GALNT1: variants seen among roughly 807,000 people sequenced by gnomAD.
GALNT1 encodes the protein GalNAc transferase 1.
Under a neutral mutation model 65.7 loss-of-function variants are expected in GALNT1, and 17 were observed. The ratio of observed to expected loss-of-function variants is 0.26; its 90% CI spans 0.18 to 0.39. The LOEUF is 0.39. Among genes scored for constraint, GALNT1 ranks in the 10% least tolerant of loss-of-function variants. The pLI, the probability that GALNT1 is intolerant of heterozygous loss-of-function variation, is 1.00. For missense variants in GALNT1, 460 were observed against 672.8 expected, an observed-to-expected ratio of 0.68 and a Z score of 3.50; for synonymous variants, 210 against 219.7, an observed-to-expected ratio of 0.96 and a Z score of 0.39.
intron 1 of GALNT1, among the ~76,000 whole-genome samples, chr18:35,629,834 T>A (rs1324831126): frequency 6.6e-6 from 1 of 152,128 alleles, no homozygotes; most frequent in Non-Finnish European, 1.5e-5. Flanking sequence ...GAGACACACA[T>A]GGGCTCAAAA....
chr18:35,689,323 T>A, intron 7 of GALNT1, 33 bp downstream of exon 7: 1 of 1,242,032 alleles, frequency 8.1e-7, no homozygotes, highest in Non-Finnish European at 1.2e-6. Context: ...AATCTTTTAT[T>A]TAACTTCAAG....
chr18:35,606,923 C>A (rs1051598244), intron 1 of GALNT1, among the ~76,000 whole-genome samples: 1 of 150,436 alleles, frequency 6.6e-6, no homozygotes, highest in South Asian at 2.1e-4. Flanking sequence ...GAGACATAGT[C>A]ATAGCACTGG....
intron 4 of GALNT1, among the ~76,000 whole-genome samples, chr18:35,679,520 A>T (rs778727444): frequency 2.0e-5 from 3 of 152,050 alleles, no homozygotes; most frequent in Non-Finnish European, 2.9e-5. Flanking sequence ...CAATCTGTGT[A>T]CATCTGTGAG....
At chr18:35,586,180 G>A (rs1471569895) in intron 1 of GALNT1, among the ~76,000 whole-genome samples, 6 of 152,114 alleles carry the variant, frequency 3.9e-5, no homozygotes, top group South Asian at 2.1e-4. Context: ...TGGTTTTAAC[G>A]TGCATTTCCT....
In GALNT1 at chr18:35,692,339, T is replaced by C; in HGVS notation, c.1299+19T>C. On this transcript the variant is annotated intron_variant, in intron 9 of 11. Coordinates refer to ENST00000269195, the MANE Select transcript of GALNT1 (RefSeq NM_020474.4). ...GGGAGAGGTAAGAAATATATATATA[T>C]ATATTCTATGTGGTTATTATGTTCT... The C allele has an allele frequency of 7.0e-7, 1 of 1,433,306 alleles. No individual in the cohort carries two copies. Among genetic ancestry groups the C allele is most frequent in the Non-Finnish European group, 9.4e-7 (1 of 1,061,376 alleles). 88.8% of individuals were successfully genotyped at this position (1,433,306 alleles called of 1,614,324 possible).
chr18:35,671,955 A>T (rs2047642943), intron 3 of GALNT1, among the ~76,000 whole-genome samples: 1 of 152,208 alleles, frequency 6.6e-6, no homozygotes, highest in Non-Finnish European at 1.5e-5. Context: ...ATATGCATAT[A>T]CTAGAGCTTC....
At chr18:35,684,309 A>G (rs933065429) in intron 5 of GALNT1, among the ~76,000 whole-genome samples, 1 of 152,202 alleles carries the variant, frequency 6.6e-6, no homozygotes, top group African/African-American at 2.4e-5. Context: ...CTAAAGCCAC[A>G]GCATCTATTC....
chr18:35,683,814 G>GT (rs1352415416), intron 5 of GALNT1, among the ~76,000 whole-genome samples: 1 of 152,212 alleles, frequency 6.6e-6, no homozygotes, highest in Non-Finnish European at 1.5e-5. Flanking sequence ...AATGAGGAGT[G>GT]ATTAGGAAGC....
chr18:35,699,698 C>T (rs2048123699), intron 9 of GALNT1, among the ~76,000 whole-genome samples: 1 of 152,206 alleles, frequency 6.6e-6, no homozygotes, highest in African/African-American at 2.4e-5. Flanking sequence ...TTGCCTAGAA[C>T]ATCCTTAAGA....
intron 1 of GALNT1, among the ~76,000 whole-genome samples, chr18:35,631,887 A>G (rs1321983658): frequency 3.3e-5 from 5 of 152,230 alleles, no homozygotes; most frequent in Non-Finnish European, 5.9e-5. Flanking sequence ...ATGTGCAAAA[A>G]TCACAAGCAT....
At chr18:35,674,769 G>A (rs1398002290) in intron 3 of GALNT1, among the ~76,000 whole-genome samples, 1 of 152,030 alleles carries the variant, frequency 6.6e-6, no homozygotes, top group Non-Finnish European at 1.5e-5. Flanking sequence ...AGATCACGAG[G>A]TCAGAAGATT....
At chr18:35,649,165 T>A (rs1410563181) in intron 1 of GALNT1, among the ~76,000 whole-genome samples, 1 of 152,266 alleles carries the variant, frequency 6.6e-6, no homozygotes, top group East Asian at 1.9e-4. Flanking sequence ...TGTACCATTT[T>A]GCATTCCCAC....
At chr18:35,660,557 T>C (rs987633304) in intron 2 of GALNT1, among the ~76,000 whole-genome samples, 6 of 152,216 alleles carry the variant, frequency 3.9e-5, no homozygotes, top group Admixed American at 3.9e-4. Flanking sequence ...ATATTTTCTT[T>C]AGTTCATGAA....
intron 3 of GALNT1, among the ~76,000 whole-genome samples, chr18:35,667,969 A>G (rs561811374): frequency 4.6e-5 from 7 of 152,352 alleles, no homozygotes; most frequent in East Asian, 1.9e-4. Context: ...TTAGCTAGGC[A>G]TTAAGTGCAC....
intron 2 of GALNT1, among the ~76,000 whole-genome samples, chr18:35,657,562 G>A (rs1401566013): frequency 6.6e-6 from 1 of 152,164 alleles, no homozygotes; most frequent in Non-Finnish European, 1.5e-5. Flanking sequence ...CCCTCCTGGA[G>A]GGTCACTGAA....
chr18:35,610,522 A>C (rs1484387546), intron 1 of GALNT1, among the ~76,000 whole-genome samples: 5 of 152,206 alleles, frequency 3.3e-5, no homozygotes, highest in African/African-American at 1.2e-4. Flanking sequence ...TAAAACTGGC[A>C]TTTAATAAAT....
chr18:35,590,557 T>C (rs550588373), intron 1 of GALNT1, among the ~76,000 whole-genome samples: 1 of 152,338 alleles, frequency 6.6e-6, no homozygotes, highest in Admixed American at 6.5e-5. Flanking sequence ...TCAGTTCATT[T>C]GTAGAAAGGA....
At chr18:35,675,010 AG>A (rs1265774533) in intron 3 of GALNT1, among the ~76,000 whole-genome samples, 4 of 143,318 alleles carry the variant, frequency 2.8e-5, no homozygotes, top group East Asian at 2.1e-4. Flanking sequence ...AAAAAAAAAA[AG>A]CTCGTTTTCA....
intron 1 of GALNT1, among the ~76,000 whole-genome samples, chr18:35,640,705 G>A (rs1036385184): frequency 3.9e-5 from 6 of 152,166 alleles, no homozygotes; most frequent in African/African-American, 1.4e-4. Flanking sequence ...GTATAAAGCT[G>A]TAAAAGTTAA....
Sources: allele counts gnomAD v4.1 joint callset (sites outside exome capture counted in the v4.1 genomes callset), GRCh38; gene constraint gnomAD v4.1.1; transcripts MANE v1.5; gene names NCBI Gene and HGNC (gene_info 2026-07-23, HGNC 2026-07-21).